SAMD5: variants seen among roughly 807,000 people sequenced by gnomAD.
SAMD5 encodes sterile alpha motif domain containing 5.
SAMD5 carries 13 observed loss-of-function variants against 11.3 expected under a neutral mutation model. The observed-to-expected ratio is 1.15, with a 90% CI of 0.75 to 1.83. The LOEUF (loss-of-function observed/expected upper bound fraction) is 1.83, where lower values mean the gene tolerates loss of function less well. Among genes scored for constraint, SAMD5 ranks in the 40% most tolerant of loss-of-function variants. The pLI, the probability that SAMD5 is intolerant of heterozygous loss-of-function variation, is 0.00. For missense variants in SAMD5, 255 were observed against 239.1 expected (o/e 1.07, Z -0.44); for synonymous variants, 129 against 111.3 (o/e 1.16, Z -1.00).
the SAMD5 span, among the ~76,000 whole-genome samples, chr6:147,949,654 T>C: frequency 6.6e-6 from 1 of 152,230 alleles, no homozygotes; most frequent in Non-Finnish European, 1.5e-5. Context: ...TTAAAAAATG[T>C]CAGTCTAGTT....
At chr6:147,533,398 G>C (rs1402601487) in intron 1 of SAMD5, among the ~76,000 whole-genome samples, 1 of 147,914 alleles carries the variant, frequency 6.8e-6, no homozygotes, top group Non-Finnish European at 1.5e-5. Flanking sequence ...GGAGGTGGAG[G>C]TTGCTGTAAG....
chr6:147,879,266 C>T, the SAMD5 span, among the ~76,000 whole-genome samples: 1 of 152,328 alleles, frequency 6.6e-6, no homozygotes, highest in East Asian at 1.9e-4. Context: ...AAGAATTTTG[C>T]CTTTCCATGA....
chr6:147,557,335 G>A (rs1788873755), intron 1 of SAMD5, among the ~76,000 whole-genome samples: 1 of 152,138 alleles, frequency 6.6e-6, no homozygotes, highest in South Asian at 2.1e-4. Context: ...GTTTTCTAGG[G>A]CTTGTAACAA....
intron 1 of SAMD5, among the ~76,000 whole-genome samples, chr6:147,594,515 T>C (rs1175290216): frequency 2.6e-5 from 4 of 152,342 alleles, no homozygotes; most frequent in Admixed American, 1.3e-4. Context: ...TAATCCATTA[T>C]ATTACAAAGG....
chr6:147,832,825 C>G, the SAMD5 span, among the ~76,000 whole-genome samples: 2 of 152,096 alleles, frequency 1.3e-5, 1 homozygote, highest in South Asian at 4.1e-4. Context: ...CTCCCAAATC[C>G]TATTTTGTAA....
the SAMD5 span, among the ~76,000 whole-genome samples, chr6:147,757,886 A>G: frequency 6.6e-6 from 1 of 152,306 alleles, no homozygotes; most frequent in Non-Finnish European, 1.5e-5. Context: ...TAACTTGTTT[A>G]ACACTAACCT....
chr6:147,945,432 C>T, the SAMD5 span, among the ~76,000 whole-genome samples: 16 of 152,218 alleles, frequency 1.1e-4, no homozygotes, highest in African/African-American at 3.9e-4. Context: ...GATTTTTAAC[C>T]CCCAAACGTT....
the SAMD5 span, among the ~76,000 whole-genome samples, chr6:147,845,770 A>G: frequency 1.3e-5 from 2 of 152,216 alleles, no homozygotes; most frequent in Non-Finnish European, 2.9e-5. Flanking sequence ...TTACTCATAC[A>G]TTGTTGATAG....
At chr6:147,682,361 A>G (rs1583137717) in intron 1 of SAMD5, among the ~76,000 whole-genome samples, 1 of 152,188 alleles carries the variant, frequency 6.6e-6, no homozygotes, top group Non-Finnish European at 1.5e-5. Flanking sequence ...TTGTATCTTG[A>G]CCAGAATTGG....
chr6:147,885,372 C>G, the SAMD5 span, among the ~76,000 whole-genome samples: 1 of 152,144 alleles, frequency 6.6e-6, no homozygotes, highest in Non-Finnish European at 1.5e-5. Context: ...AGTTTTAGGA[C>G]TTTCGCTTGA....
chr6:147,812,418 G>C, the SAMD5 span, among the ~76,000 whole-genome samples: 1 of 152,160 alleles, frequency 6.6e-6, no homozygotes, highest in African/African-American at 2.4e-5. Context: ...ATAGAGGAAG[G>C]GTTTGGGGAG....
chr6:147,944,558 C>T, the SAMD5 span, among the ~76,000 whole-genome samples: 1 of 152,190 alleles, frequency 6.6e-6, no homozygotes, highest in Non-Finnish European at 1.5e-5. Context: ...GGGGACACAG[C>T]CAAACCATAT....
chr6:147,868,529 A>G, the SAMD5 span, among the ~76,000 whole-genome samples: 2 of 151,444 alleles, frequency 1.3e-5, no homozygotes, highest in African/African-American at 4.8e-5. Context: ...AACTCATGAA[A>G]TGTTAAAAAT....
chr6:147,678,499 A>C (rs1562349682), intron 1 of SAMD5, among the ~76,000 whole-genome samples: 2 of 152,204 alleles, frequency 1.3e-5, no homozygotes, highest in African/African-American at 4.8e-5. Context: ...GCTGTAACAT[A>C]AGTAATAAAT....
chr6:147,790,732 A>ATCTC, the SAMD5 span, among the ~76,000 whole-genome samples: 557 of 84,898 alleles, frequency 6.6e-3, 14 homozygotes, highest in East Asian at 0.019. Context: ...GAATTGGTCG[A>ATCTC]TCTCTCTCTC....
At chr6:147,852,018 A>G in the SAMD5 span, among the ~76,000 whole-genome samples, 1 of 152,224 alleles carries the variant, frequency 6.6e-6, no homozygotes, top group African/African-American at 2.4e-5. Flanking sequence ...CTTATAGTCC[A>G]AAATACAATT....
intron 1 of SAMD5, among the ~76,000 whole-genome samples, chr6:147,670,285 A>G (rs1032438824): frequency 3.9e-5 from 6 of 152,230 alleles, no homozygotes; most frequent in Admixed American, 3.9e-4. Flanking sequence ...ATAGAACACA[A>G]ACAGAGTAAA....
chr6:147,838,365 A>AAAG, the SAMD5 span, among the ~76,000 whole-genome samples: 1 of 152,182 alleles, frequency 6.6e-6, no homozygotes, highest in South Asian at 2.1e-4. Flanking sequence ...TTGGAATCAG[A>AAAG]AAGACCTTTC....
chr6:147,948,637 A>G, the SAMD5 span, among the ~76,000 whole-genome samples: 9 of 152,192 alleles, frequency 5.9e-5, no homozygotes, highest in Admixed American at 5.2e-4. Flanking sequence ...AGATATATCT[A>G]TATCTATATC....
Sources: allele counts gnomAD v4.1 joint callset (sites outside exome capture counted in the v4.1 genomes callset), GRCh38; gene constraint gnomAD v4.1.1; transcripts MANE v1.5; gene names NCBI Gene and HGNC (gene_info 2026-07-23, HGNC 2026-07-21).